Variants in SPATA6L observed in about 807,000 individuals in gnomAD.
The protein encoded by SPATA6L is spermatogenesis associated 6 like, also known as spermatogenesis associated 6-like protein.
In SPATA6L, 68 loss-of-function variants were observed where a neutral mutation model predicts 49.2. The ratio of observed to expected loss-of-function variants is 1.38; its 90% CI spans 1.14 to 1.69. The LOEUF is 1.69. Among genes scored for constraint, SPATA6L ranks in the 40% most tolerant of loss-of-function variants. The pLI is 0.00. For missense variants in SPATA6L, 668 were observed against 464.3 expected (o/e 1.44, Z -4.03); for synonymous variants, 198 against 165.7 (o/e 1.19, Z -1.50).
At chr9:4,629,769 G>GTATACATATATATATATATA (rs1831137654) in intron 4 of SPATA6L, among the ~76,000 whole-genome samples, 2 of 101,934 alleles carry the variant, frequency 2.0e-5, no homozygotes, top group African/African-American at 9.9e-5. Context: ...GTGTGTGTGT[G>GTATACATATATATATATATA]TATATATATA....
Position 4,600,663 on chromosome 9 carries a change from A to G in SPATA6L, c.*148T>C, listed in dbSNP as rs1222986511. The G allele has an allele frequency of 6.6e-6, 1 of 152,184 alleles. No homozygotes were observed. Among genetic ancestry groups the G allele is most frequent in the East Asian group, 1.9e-4 (1 of 5,200 alleles). 9.4% of individuals were successfully genotyped at this position (152,184 alleles called of 1,614,324 possible). A position where few individuals can be genotyped will look rare whatever the true frequency, so the allele number is the denominator to read the frequency against. On this transcript the variant is annotated 3_prime_UTR_variant, in exon 12 of 12. Coordinates refer to ENST00000682582, the MANE Select transcript of SPATA6L (RefSeq NM_001353486.2). ...ATCAACAACTCTTACCTGGGCACAA[A>G]AGACTGAGTACAGGGTTTGGTTTAA...
chr9:4,621,607 GC>G (rs1829318754), intron 7 of SPATA6L, among the ~76,000 whole-genome samples: 1 of 151,962 alleles, frequency 6.6e-6, no homozygotes, highest in African/African-American at 2.4e-5. Context: ...TCCTGCCTCA[GC>G]CTCCTGAGTA....
rs116023440 is a variant in SPATA6L at position 4,616,915 on chromosome 9, T to C, written c.995+1008A>G. On this transcript the variant is annotated intron_variant, in intron 9 of 11. Coordinates refer to ENST00000682582, the MANE Select transcript of SPATA6L (RefSeq NM_001353486.2). ...CAGTTTTTTAAAAATCTATGTTGTA[T>C]TATTTTCTTCTAATAAAGTAACTAA... 6.7e-3 allele frequency among the ~76,000 whole-genome samples: 1,015 copies of C among 152,340 alleles called. 13 individuals carry two copies. The highest frequency in any genetic ancestry group is 0.022 in the African/African-American group (928 of 41,572).
chr9:4,638,452 G>A (rs948970003), intron 3 of SPATA6L, among the ~76,000 whole-genome samples: 2 of 152,202 alleles, frequency 1.3e-5, no homozygotes, highest in Non-Finnish European at 2.9e-5. Flanking sequence ...ACCTCAGGTG[G>A]TCCGCCTGCC....
chr9:4,608,802 G>A (rs999243532), intron 9 of SPATA6L, among the ~76,000 whole-genome samples: 9 of 151,772 alleles, frequency 5.9e-5, no homozygotes, highest in Non-Finnish European at 1.2e-4. Context: ...AATCAGAGCA[G>A]AACTGAAGGA....
intron 4 of SPATA6L, among the ~76,000 whole-genome samples, chr9:4,631,454 T>C (rs1371908286): frequency 6.6e-6 from 1 of 151,994 alleles, no homozygotes; most frequent in Non-Finnish European, 1.5e-5. Flanking sequence ...GAGACAGTAA[T>C]ATTATATATT....
intron 3 of SPATA6L, among the ~76,000 whole-genome samples, chr9:4,649,552 T>G (rs1836329052): frequency 6.6e-6 from 1 of 152,234 alleles, no homozygotes; most frequent in Admixed American, 6.5e-5. Flanking sequence ...AAGGTCACAC[T>G]GGCTAACAGT....
intron 3 of SPATA6L, among the ~76,000 whole-genome samples, 157 bp from the exon 4 acceptor site, chr9:4,635,556 C>G (rs1485951355): frequency 6.6e-6 from 1 of 152,122 alleles, no homozygotes; most frequent in Non-Finnish European, 1.5e-5. Context: ...ATTTCTACTA[C>G]TTTTTATCTC....
At chr9:4,657,790 A>G (rs1206390134) in intron 2 of SPATA6L, among the ~76,000 whole-genome samples, 1 of 152,210 alleles carries the variant, frequency 6.6e-6, no homozygotes, top group Non-Finnish European at 1.5e-5. Context: ...GTCTCTAGCT[A>G]AAGATTAGTT....
At position 4,605,343 on chromosome 9, in the gene SPATA6L, T is replaced by C. The variant is rs745662800; in HGVS notation, c.1089+4A>G. On this transcript the variant is annotated splice_donor_region_variant and intron_variant, in intron 10 of 11. Transcript: ENST00000682582. ...AAAGATCTAGTTTTATAAGAAAGTC[T>C]AACCTTGTTTTGGTGCAGCTGTGCT... 12 of 1,611,364 alleles carry C rather than the reference T, an allele frequency of 7.4e-6. No homozygotes were observed. In the Admixed American group the frequency reaches 2.0e-4, roughly 27 times the overall value.
chr9:4,660,326 A>C lies in SPATA6L; in HGVS notation c.177+1573T>G, dbSNP rs374580581. Among the ~76,000 whole-genome samples the C allele has an allele frequency of 2.0e-5, 3 of 152,356 alleles. No individual in the cohort carries two copies. The South Asian group carries it at 6.2e-4, about 32-fold the overall frequency. On this transcript the variant is annotated intron_variant, in intron 2 of 11. Transcript: ENST00000682582. ...CCAGAATCTACAAAGAACTTAAACA[A>C]ATTTACAAGAAAAAATCAAAAAACC...
downstream of SPATA6L, among the ~76,000 whole-genome samples, chr9:4,594,685 G>C (rs1459421508): frequency 6.6e-6 from 1 of 152,176 alleles, no homozygotes; most frequent in Non-Finnish European, 1.5e-5. Context: ...TGAGTGAACA[G>C]TGATGCCTCT....
intron 3 of SPATA6L, among the ~76,000 whole-genome samples, chr9:4,638,749 T>C (rs1833374075): frequency 1.3e-5 from 2 of 152,090 alleles, no homozygotes; most frequent in South Asian, 4.1e-4. Context: ...TCCTGAAGCT[T>C]ATAGTGTTAA....
downstream of SPATA6L, among the ~76,000 whole-genome samples, chr9:4,593,906 G>A (rs1822064651): frequency 6.6e-6 from 1 of 152,020 alleles, no homozygotes; most frequent in South Asian, 2.1e-4. Flanking sequence ...AAATATTTGT[G>A]GAATAAATGA....
chr9:4,657,518 T>C (rs774334231), intron 2 of SPATA6L, among the ~76,000 whole-genome samples: 26 of 151,586 alleles, frequency 1.7e-4, no homozygotes, highest in Non-Finnish European at 2.5e-4. Flanking sequence ...GGGCAAAAAT[T>C]TGAGCACAGA....
chr9:4,638,331 C>T (rs1833243482), intron 3 of SPATA6L, among the ~76,000 whole-genome samples: 2 of 152,222 alleles, frequency 1.3e-5, no homozygotes, highest in South Asian at 2.1e-4. Context: ...CTTGCCTCAG[C>T]CTCCCAAGCA....
At position 4,619,712 on chromosome 9, in the gene SPATA6L, A is replaced by T. The variant is rs149991269; in HGVS notation, c.773-814T>A. Among the ~76,000 whole-genome samples, 1,397 of 152,288 alleles carry T rather than the reference A, an allele frequency of 9.2e-3. 14 individuals carry two copies. The highest frequency in any genetic ancestry group is 0.015 in the Non-Finnish European group (996 of 68,018). The stretch of plus-strand genomic sequence containing the variant: ...CAAGGTAGACACAAATGTTAAATTG[A>T]GACAACAAATATGTAAAAGCTTGGA... On this transcript the variant is annotated intron_variant, in intron 7 of 11. Transcript: ENST00000682582.
intron 13 of SPATA6L, among the ~76,000 whole-genome samples, chr9:4,593,189 A>G (rs1014324047): frequency 9.9e-5 from 15 of 152,204 alleles, no homozygotes; most frequent in African/African-American, 3.4e-4. Flanking sequence ...ATGCCTAAAA[A>G]GTAAGAGGAA....
chr9:4,606,365 A>G lies in SPATA6L; in HGVS notation c.996-925T>C, dbSNP rs534691840. On this transcript the variant is annotated intron_variant, in intron 9 of 11. Transcript: ENST00000682582. ...GGGCAGGGCACAGACAAACAAAAAG[A>G]CAGCAGTAACCTCTGCAGACTTAAA... 1.2e-3 allele frequency among the ~76,000 whole-genome samples: 156 copies of G among 133,842 alleles called. 4 individuals are homozygous for G. Among genetic ancestry groups the G allele is most frequent in the South Asian group, 1.8e-3 (7 of 4,000 alleles). 87.8% of individuals were successfully genotyped at this position (133,842 alleles called of 152,430 possible).
Sources: gnomAD v4.1 joint callset for allele counts (sites outside exome capture counted in the v4.1 genomes callset) on GRCh38, gnomAD v4.1.1 for gene constraint, MANE v1.5 for transcripts, NCBI Gene and HGNC (gene_info 2026-07-23, HGNC 2026-07-21) for gene names.